Variants in VSTM2L observed in about 807,000 individuals in gnomAD.
VSTM2L encodes the protein V-set and transmembrane domain-containing protein 2-like protein.
VSTM2L carries 9 observed loss-of-function variants against 19.9 expected under a neutral mutation model. The ratio of observed to expected loss-of-function variants is 0.45; its 90% CI spans 0.27 to 0.79. The LOEUF is 0.79. Ranked by LOEUF, VSTM2L falls within the 30% of genes least tolerant of loss-of-function variation. The probability of loss-of-function intolerance (pLI) is 0.15; values close to 1 mark genes in which losing one functional copy is unlikely to be tolerated. For missense variants in VSTM2L, 286 were observed against 295.5 expected (o/e 0.97, Z 0.24); for synonymous variants, 127 against 133.8 (o/e 0.95, Z 0.35).
intron 1 of VSTM2L, among the ~76,000 whole-genome samples, chr20:37,909,434 G>A (rs922633858): frequency 6.6e-6 from 1 of 152,202 alleles, no homozygotes; most frequent in African/African-American, 2.4e-5. Flanking sequence ...TGGGACCCAG[G>A]ACAATGCCCG....
chr20:37,909,080 G>A (rs1042489500), intron 1 of VSTM2L, among the ~76,000 whole-genome samples: 8 of 152,184 alleles, frequency 5.3e-5, no homozygotes, highest in African/African-American at 1.9e-4. Flanking sequence ...GGAAAGAGGA[G>A]GAAGAGGCCC....
At chr20:37,921,049 G>A (rs1357341884) in intron 1 of VSTM2L, among the ~76,000 whole-genome samples, 1 of 152,120 alleles carries the variant, frequency 6.6e-6, no homozygotes, top group Non-Finnish European at 1.5e-5. Flanking sequence ...CCAGACACCT[G>A]TCATATAACA....
rs1267192069 is a variant in VSTM2L at position 37,931,503 on chromosome 20, T to G, written c.122-132T>G. 12 of 995,714 alleles carry G rather than the reference T, an allele frequency of 1.2e-5. 1 individual carries two copies. In the Middle Eastern group the frequency reaches 1.3e-3, roughly 111 times the overall value. 61.7% of individuals were successfully genotyped at this position (995,714 alleles called of 1,614,324 possible). ...GCCAGACCACTCCCACCAGCGGGCT[T>G]GCAGGTCACCCCACCCCCTCCACCC... On this transcript the variant is annotated intron_variant, in intron 1 of 3. Coordinates refer to ENST00000373461, the MANE Select transcript of VSTM2L (RefSeq NM_080607.3).
At chr20:37,928,930 AT>A (rs1349497119) in intron 1 of VSTM2L, among the ~76,000 whole-genome samples, 2 of 152,238 alleles carry the variant, frequency 1.3e-5, no homozygotes, top group African/African-American at 4.8e-5. Flanking sequence ...TTAAAATTAA[AT>A]AAAATTTAAA....
rs116514316 is a variant in VSTM2L, at chr20:37,942,637, G to A, written c.343-1344G>A. On this transcript the variant is annotated intron_variant, in intron 3 of 3. Transcript: ENST00000373461. ...GATAGAAGTCAGTCAGAAAGCGGGG[G>A]ACCCCAGAGGGGGAGTATTGCTCAG... 3.9e-3 allele frequency among the ~76,000 whole-genome samples: 595 copies of A among 152,348 alleles called. 6 individuals are homozygous for A. Among genetic ancestry groups the A allele is most frequent in the African/African-American group, 0.013 (552 of 41,584 alleles).
chr20:37,912,763 C>T (rs556267126), intron 1 of VSTM2L, among the ~76,000 whole-genome samples: 1 of 152,264 alleles, frequency 6.6e-6, no homozygotes, highest in Non-Finnish European at 1.5e-5. Flanking sequence ...GCAGCAGTGC[C>T]CACCCGTACC....
intron 1 of VSTM2L, among the ~76,000 whole-genome samples, chr20:37,911,052 C>A (rs2072776698): frequency 6.6e-6 from 1 of 151,470 alleles, no homozygotes; most frequent in East Asian, 1.9e-4. Flanking sequence ...GCGGGTGGAT[C>A]ACAAGGTCAG....
At chr20:37,935,240 C>T (rs1316114863) in intron 3 of VSTM2L, among the ~76,000 whole-genome samples, 1 of 152,218 alleles carries the variant, frequency 6.6e-6, no homozygotes, top group African/African-American at 2.4e-5. Context: ...CCACCCCCAG[C>T]CCCTGCAATT....
intron 1 of VSTM2L, among the ~76,000 whole-genome samples, chr20:37,922,311 G>A (rs2072856301): frequency 6.6e-6 from 1 of 152,084 alleles, no homozygotes; most frequent in Non-Finnish European, 1.5e-5. Context: ...TGTCCTCAAG[G>A]TTCATCTATT....
intron 2 of VSTM2L, among the ~76,000 whole-genome samples, chr20:37,933,258 A>G (rs956717248): frequency 1.3e-5 from 2 of 152,194 alleles, no homozygotes; most frequent in East Asian, 1.9e-4. Context: ...CACTCCCTCC[A>G]ATATATACCA....
chr20:37,932,709 C>T (rs2072917772), intron 2 of VSTM2L, among the ~76,000 whole-genome samples: 1 of 152,160 alleles, frequency 6.6e-6, no homozygotes, highest in Non-Finnish European at 1.5e-5. Flanking sequence ...TTCCTGGGAT[C>T]ACCTCCCAAA....
chr20:37,943,766 C>T (rs373045862), intron 3 of VSTM2L, among the ~76,000 whole-genome samples: 80 of 152,136 alleles, frequency 5.3e-4, no homozygotes, highest in Non-Finnish European at 9.0e-4. Flanking sequence ...TGCAGGGAAC[C>T]GGCCACTGCT....
At chr20:37,918,086 A>G (rs1042988665) in intron 1 of VSTM2L, among the ~76,000 whole-genome samples, 5 of 152,180 alleles carry the variant, frequency 3.3e-5, no homozygotes, top group Non-Finnish European at 7.3e-5. Context: ...CAAGTATGCA[A>G]TTCAGGTATT....
chr20:37,909,534 C>G (rs2072768403), intron 1 of VSTM2L, among the ~76,000 whole-genome samples: 1 of 152,172 alleles, frequency 6.6e-6, no homozygotes, highest in Non-Finnish European at 1.5e-5. Flanking sequence ...TTGCTCATTC[C>G]AAGTCAATAT....
At chr20:37,936,829 G>A (rs2072943530) in intron 3 of VSTM2L, among the ~76,000 whole-genome samples, 1 of 152,176 alleles carries the variant, frequency 6.6e-6, no homozygotes, top group African/African-American at 2.4e-5. Flanking sequence ...GGCTATGTGA[G>A]TGACAGTGGT....
chr20:37,942,018 C>T (rs1029000787), intron 3 of VSTM2L, among the ~76,000 whole-genome samples: 2 of 151,918 alleles, frequency 1.3e-5, no homozygotes, highest in African/African-American at 4.8e-5. Flanking sequence ...TGTAACTGTC[C>T]ATCTGCTTTT....
intron 1 of VSTM2L, among the ~76,000 whole-genome samples, chr20:37,929,165 G>A (rs1306916450): frequency 6.6e-6 from 1 of 152,198 alleles, no homozygotes; most frequent in East Asian, 1.9e-4. Context: ...TGTGGCAGGA[G>A]AGGGAGGGAG....
At chr20:37,924,632 C>A (rs1018886151) in intron 1 of VSTM2L, among the ~76,000 whole-genome samples, 1 of 150,750 alleles carries the variant, frequency 6.6e-6, no homozygotes, top group African/African-American at 2.4e-5. Context: ...TGGCACAAAA[C>A]AAATAGTCTT....
intron 3 of VSTM2L, among the ~76,000 whole-genome samples, chr20:37,934,523 G>A (rs777089595): frequency 1.7e-4 from 26 of 152,320 alleles, no homozygotes; most frequent in Admixed American, 6.5e-4. Context: ...GCGTGTGTGC[G>A]TGCATGCTTG....
Sources: gnomAD v4.1 joint callset for allele counts (sites outside exome capture counted in the v4.1 genomes callset) on GRCh38, gnomAD v4.1.1 for gene constraint, MANE v1.5 for transcripts, NCBI Gene and HGNC (gene_info 2026-07-23, HGNC 2026-07-21) for gene names.